The following RPAP3 variants were observed in gnomAD, a reference collection of about 807,000 sequenced individuals.
RPAP3 encodes RNA polymerase II associated protein 3, also known as RNA polymerase II-associated protein 3.
In RPAP3, 58 loss-of-function variants were observed where a neutral mutation model predicts 88.8. The ratio of observed to expected loss-of-function variants is 0.65; its 90% CI spans 0.53 to 0.81. RPAP3 has a LOEUF of 0.81. Among genes scored for constraint, RPAP3 ranks in the 40% least tolerant of loss-of-function variants. RPAP3 has a pLI of 0.00. For missense variants in RPAP3, 751 were observed against 764.3 expected, an observed-to-expected ratio of 0.98 and a Z score of 0.20; for synonymous variants, 255 against 259.9, an observed-to-expected ratio of 0.98 and a Z score of 0.18.
intron 12 of RPAP3, among the ~76,000 whole-genome samples, chr12:47,672,515 G>A (rs181687588): frequency 8.5e-5 from 13 of 152,298 alleles, no homozygotes; most frequent in East Asian, 1.9e-4. Context: ...TAAGGATAAC[G>A]CAGGGATTAA....
chr12:47,696,737 A>G (rs568926169), intron 4 of RPAP3, among the ~76,000 whole-genome samples: 1 of 152,324 alleles, frequency 6.6e-6, no homozygotes, highest in East Asian at 1.9e-4. Flanking sequence ...TTCTAATAAC[A>G]TTTTCTTTTC....
At chr12:47,676,784 G>T (rs1029422844) in intron 12 of RPAP3, among the ~76,000 whole-genome samples, 1 of 152,096 alleles carries the variant, frequency 6.6e-6, no homozygotes, top group East Asian at 1.9e-4. Flanking sequence ...AGGACCAGAC[G>T]GATTCACAGC....
intron 9 of RPAP3, among the ~76,000 whole-genome samples, chr12:47,686,577 C>CACA (rs1555182568): frequency 1.3e-5 from 2 of 150,162 alleles, no homozygotes; most frequent in Non-Finnish European, 3.0e-5. Flanking sequence ...CACACACACA[C>CACA]TACTTTTCCC....
At chr12:47,704,301 T>G (rs113017550) in intron 1 of RPAP3, among the ~76,000 whole-genome samples, 6 of 152,104 alleles carry the variant, frequency 3.9e-5, no homozygotes, top group South Asian at 4.2e-4. Flanking sequence ...AAGTGAGAGG[T>G]TAGCAGTGCC....
intron 5 of RPAP3, chr12:47,695,883 CA>C (rs1555183305): frequency 2.6e-5 from 4 of 153,266 alleles, no homozygotes; most frequent in Non-Finnish European, 5.8e-5. Flanking sequence ...TAAAGACAAA[CA>C]AATGTTGAAA....
At chr12:47,702,469 G>C (rs1358061734) in intron 2 of RPAP3, among the ~76,000 whole-genome samples, 7 of 152,178 alleles carry the variant, frequency 4.6e-5, no homozygotes, top group African/African-American at 1.7e-4. Context: ...CAGGAGAACT[G>C]CTTGAACCCA....
At chr12:47,682,476 G>A (rs1939240537) in intron 9 of RPAP3, among the ~76,000 whole-genome samples, 1 of 152,080 alleles carries the variant, frequency 6.6e-6, no homozygotes, top group Admixed American at 6.5e-5. Context: ...TTTCTTAGGA[G>A]TGCTAATGGT....
At chr12:47,688,740 C>T (rs1017899567) in intron 7 of RPAP3, among the ~76,000 whole-genome samples, 3 of 152,092 alleles carry the variant, frequency 2.0e-5, no homozygotes, top group Admixed American at 1.3e-4. Context: ...ACATATTTAC[C>T]AGATCTTATG....
chr12:47,703,383 T>G (rs1338921093), intron 1 of RPAP3, among the ~76,000 whole-genome samples: 1 of 152,214 alleles, frequency 6.6e-6, no homozygotes, highest in Non-Finnish European at 1.5e-5. Context: ...TGCTGTCCTG[T>G]GCATTGTAGG....
Position 47,662,443 on chromosome 12 carries a change from T to C in RPAP3, c.*1062A>G, listed in dbSNP as rs186730082. 47 of 152,318 alleles carry C rather than the reference T, an allele frequency of 3.1e-4. 1 individual carries two copies. Among genetic ancestry groups the C allele is most frequent in the African/African-American group, 1.1e-3 (46 of 41,578 alleles). 9.4% of individuals were successfully genotyped at this position (152,318 alleles called of 1,614,324 possible). On this transcript the variant is annotated 3_prime_UTR_variant, in exon 17 of 17. Coordinates refer to ENST00000005386, the MANE Select transcript of RPAP3 (RefSeq NM_024604.3). ...CTTCTCAAACAATTCATAAGAATAGTAATATGTATAATGGCAATAAAAATT... is the reference window on the plus strand; with the variant it reads ...CTTCTCAAACAATTCATAAGAATAGCAATATGTATAATGGCAATAAAAATT...
chr12:47,690,648 T>G lies in RPAP3; in HGVS notation c.546-9A>C. ...ACTCAGCAACAGCAAATCTGCAATT[T>G]AAAAACATTAAAATAAATAAAGTTA... On this transcript the variant is annotated splice_polypyrimidine_tract_variant and intron_variant, in intron 5 of 16. Coordinates refer to ENST00000005386, the MANE Select transcript of RPAP3 (RefSeq NM_024604.3). The G allele has an allele frequency of 6.9e-7, 1 of 1,440,982 alleles. No homozygotes were observed. The highest frequency in any genetic ancestry group is 9.3e-7 in the Non-Finnish European group (1 of 1,078,784). The allele number at this position is 1,440,982 out of a possible 1,614,324, so 89.3% of individuals were successfully genotyped here.
intron 9 of RPAP3, among the ~76,000 whole-genome samples, chr12:47,684,018 C>A (rs1395704073): frequency 6.6e-6 from 1 of 152,224 alleles, no homozygotes. Context: ...ATCTCTAAAT[C>A]TATGCTTTAC....
At chr12:47,671,544 G>A (rs912384407) in intron 12 of RPAP3, among the ~76,000 whole-genome samples, 2 of 152,068 alleles carry the variant, frequency 1.3e-5, no homozygotes, top group African/African-American at 2.4e-5. Flanking sequence ...GTTACTAAAC[G>A]AAGGTACAAA....
At chr12:47,704,001 T>C (rs1028029851) in intron 1 of RPAP3, among the ~76,000 whole-genome samples, 1 of 152,102 alleles carries the variant, frequency 6.6e-6, no homozygotes, top group African/African-American at 2.4e-5. Flanking sequence ...GAAAGTCAGA[T>C]TATTTGTTTG....
Position 47,702,668 on chromosome 12 carries a change from A to C in RPAP3, c.153+20T>G, listed in dbSNP as rs748536091. On this transcript the variant is annotated intron_variant, in intron 2 of 16. Coordinates refer to ENST00000005386, the MANE Select transcript of RPAP3 (RefSeq NM_024604.3). ...ATAAAATTAGTTTTGGTGGATCTTAATTACGAATTCTTAATTTACCTCTTC... is the reference window on the plus strand; with the variant it reads ...ATAAAATTAGTTTTGGTGGATCTTACTTACGAATTCTTAATTTACCTCTTC... 2 of 1,521,764 alleles carry C rather than the reference A, an allele frequency of 1.3e-6. No homozygotes were observed. The highest frequency in any genetic ancestry group is 2.6e-5 in the South Asian group (2 of 77,476). The allele number at this position is 1,521,764 out of a possible 1,614,324, so 94.3% of individuals were successfully genotyped here.
chr12:47,682,049 G>A (rs1202135156), intron 9 of RPAP3, among the ~76,000 whole-genome samples: 2 of 152,094 alleles, frequency 1.3e-5, no homozygotes, highest in African/African-American at 2.4e-5. Context: ...GAGTCTGCTG[G>A]AGCGATGAAA....
chr12:47,666,369 C>T (rs1430057044), intron 16 of RPAP3, among the ~76,000 whole-genome samples: 1 of 152,196 alleles, frequency 6.6e-6, no homozygotes, highest in East Asian at 1.9e-4. Flanking sequence ...TCTCTGGACT[C>T]AATTTGCTCT....
In RPAP3 at chr12:47,662,409, T is replaced by C. The variant is rs978334494; in HGVS notation, c.*1096A>G. 3 of 152,238 alleles carry C rather than the reference T, an allele frequency of 2.0e-5. No homozygotes were observed. Among genetic ancestry groups the C allele is most frequent in the African/African-American group, 7.2e-5 (3 of 41,460 alleles). The allele number at this position is 152,238 out of a possible 1,614,324, so 9.4% of individuals were successfully genotyped here. A position where few individuals can be genotyped will look rare whatever the true frequency, so the allele number is the denominator to read the frequency against. ...TGAAGAAATTATCTTTGTAAATAAA[T>C]TATGATTACTTCTCAAACAATTCAT... is the stretch of plus-strand genomic sequence containing the variant. On this transcript the variant is annotated 3_prime_UTR_variant, in exon 17 of 17. Transcript: ENST00000005386.
chr12:47,701,532 T>G lies in RPAP3; in HGVS notation c.226A>C (p.Thr76Pro). ...KGKAKESSKK[T>P]REENTKNRIK... ...CTGTTTTTTGTGTTTTCCTCTCTGG[T>G]TTTTTTGGAAGACTCTTTAGCTTTG... The change falls in exon 3 of 17, where the codon ACC becomes CCC. Residue 76 changes from threonine (T) to proline (P), a missense_variant. Thr to Pro is a conservative substitution (Grantham distance 38). Transcript: ENST00000005386. The G allele has an allele frequency of 6.2e-7, 1 of 1,601,086 alleles. No individual in the cohort carries two copies. The highest frequency in any genetic ancestry group is 8.5e-7 in the Non-Finnish European group (1 of 1,173,790).
Sources: gnomAD v4.1 joint callset for allele counts (sites outside exome capture counted in the v4.1 genomes callset) on GRCh38, gnomAD v4.1.1 for gene constraint, MANE v1.5 for transcripts, NCBI Gene and HGNC (gene_info 2026-07-23, HGNC 2026-07-21) for gene names.